Variants in NEDD4 observed in about 807,000 individuals in gnomAD.
NEDD4 encodes the protein NEDD4 E3 ubiquitin protein ligase.
In NEDD4, 99 loss-of-function variants were observed where a neutral mutation model predicts 144.9. The ratio of observed to expected loss-of-function variants is 0.68; its 90% CI spans 0.58 to 0.81. NEDD4 has a LOEUF of 0.81. Among genes scored for constraint, NEDD4 ranks in the 30% least tolerant of loss-of-function variants. The probability of loss-of-function intolerance (pLI) is 0.00; values close to 1 mark genes in which losing one functional copy is unlikely to be tolerated. For missense variants in NEDD4, 985 were observed against 1,065.9 expected (o/e 0.92, Z 1.06); for synonymous variants, 318 against 350.6 (o/e 0.91, Z 1.04).
chr15:55,962,466 G>C (rs2037442173), intron 2 of NEDD4, among the ~76,000 whole-genome samples: 1 of 152,068 alleles, frequency 6.6e-6, no homozygotes, highest in African/African-American at 2.4e-5. Flanking sequence ...TTTTTGAGAT[G>C]GAGTTTCACT....
chr15:55,897,788 T>G (rs1277635153), intron 5 of NEDD4, among the ~76,000 whole-genome samples: 1 of 152,202 alleles, frequency 6.6e-6, no homozygotes. Flanking sequence ...GAATTGTGTT[T>G]GCTTCAAGTT....
At chr15:55,877,979 A>G (rs2035051375) in intron 5 of NEDD4, among the ~76,000 whole-genome samples, 1 of 152,168 alleles carries the variant, frequency 6.6e-6, no homozygotes, top group African/African-American at 2.4e-5. Flanking sequence ...ATTCAGGTTC[A>G]GCATATACTC....
chr15:55,862,940 C>T lies in NEDD4; in HGVS notation c.647G>A (p.Arg216Lys). ...RTYYVNHESR[R>K]TQWKRPTPQD... ...AGGGGTTGGTCTTTTCCACTGTGTTCTTCTAGATTCATGGTTTACATAATA... is the reference window on the plus strand; with the variant it reads ...AGGGGTTGGTCTTTTCCACTGTGTTTTTCTAGATTCATGGTTTACATAATA... Residue 216 changes from arginine to lysine, a missense_variant, in exon 9 of 29, where the codon AGA (arginine) becomes AAA (lysine). Arg to Lys is a conservative substitution (Grantham distance 26). Transcript: ENST00000435532. The T allele has an allele frequency of 6.2e-7, 1 of 1,609,484 alleles. No individual in the cohort carries two copies. The highest frequency in any genetic ancestry group is 8.5e-7 in the Non-Finnish European group (1 of 1,177,024).
chr15:55,891,533 A>C (rs1355030262), intron 5 of NEDD4, among the ~76,000 whole-genome samples: 1 of 152,200 alleles, frequency 6.6e-6, no homozygotes, highest in South Asian at 2.1e-4. Context: ...GTTATTTCCT[A>C]TATTTGAACT....
In NEDD4 at chr15:55,880,273, C is replaced by T. The variant is rs111461665; in HGVS notation, c.292-6265G>A. 3.0e-4 allele frequency among the ~76,000 whole-genome samples: 45 copies of T among 151,544 alleles called. 1 individual carries two copies. Among genetic ancestry groups the T allele is most frequent in the Middle Eastern group, 3.4e-3 (1 of 294 alleles). On this transcript the variant is annotated intron_variant, in intron 5 of 28. Coordinates refer to ENST00000435532, the MANE Select transcript of NEDD4 (RefSeq NM_006154.4). ...CACCATTGCACGCTAGTCTGGGTGA[C>T]GGAGTGAGACCCCGTCTCCAAAAAA...
At chr15:55,941,730 C>G (rs1438819682) in intron 4 of NEDD4, among the ~76,000 whole-genome samples, 1 of 152,168 alleles carries the variant, frequency 6.6e-6, no homozygotes, top group East Asian at 1.9e-4. Flanking sequence ...CACCCAGCTA[C>G]TTTTTGTATA....
intron 2 of NEDD4, among the ~76,000 whole-genome samples, chr15:55,961,493 C>T (rs542847665): frequency 6.2e-5 from 8 of 128,814 alleles, no homozygotes; most frequent in South Asian, 2.5e-4. Flanking sequence ...TTATTTGAGA[C>T]GCAGTCTCAC....
chr15:55,907,059 C>T (rs1486270505), intron 5 of NEDD4, among the ~76,000 whole-genome samples: 2 of 151,694 alleles, frequency 1.3e-5, no homozygotes, highest in Non-Finnish European at 2.9e-5. Context: ...CACGGCACTG[C>T]ACTCCAGCCT....
intron 5 of NEDD4, among the ~76,000 whole-genome samples, chr15:55,923,390 G>C (rs2036604279): frequency 6.6e-6 from 1 of 152,002 alleles, no homozygotes; most frequent in African/African-American, 2.4e-5. Context: ...GCTCATGCCT[G>C]TAATCCCAGC....
intron 5 of NEDD4, among the ~76,000 whole-genome samples, chr15:55,911,719 G>A (rs978808135): frequency 1.3e-5 from 2 of 151,810 alleles, no homozygotes; most frequent in African/African-American, 2.4e-5. Context: ...TAGTAGAGAC[G>A]GGGTTTCACC....
chr15:55,878,906 T>C (rs748545652), intron 5 of NEDD4, among the ~76,000 whole-genome samples: 3 of 152,242 alleles, frequency 2.0e-5, no homozygotes, highest in Non-Finnish European at 4.4e-5. Flanking sequence ...CACTGCAACC[T>C]CCGCCTCCCT....
rs1481622265 is a variant in NEDD4, at chr15:55,839,992, AAAAAAAAATATATATATATATATATATAT to A, written c.2031+426_2031+454del. 1.1e-3 allele frequency among the ~76,000 whole-genome samples: 62 copies of A among 58,184 alleles called. 2 individuals carry two copies. The East Asian group carries it at 0.015, about 14-fold the overall frequency. 38.2% of individuals were successfully genotyped at this position (58,184 alleles called of 152,430 possible). On this transcript the variant is annotated intron_variant, in intron 21 of 28. Coordinates refer to ENST00000435532, the MANE Select transcript of NEDD4 (RefSeq NM_006154.4). ...CTGTCTCAAAAAAAAAAAAAAAAAA[AAAAAAAAATATATATATATATATATATAT>A]ATATATATATATATATATATAACAT...
chr15:55,945,214 C>G (rs1291158991), intron 4 of NEDD4, among the ~76,000 whole-genome samples: 1 of 152,122 alleles, frequency 6.6e-6, no homozygotes, highest in African/African-American at 2.4e-5. Context: ...ACAAACTTCT[C>G]CAAGCTAAAG....
intron 4 of NEDD4, among the ~76,000 whole-genome samples, 180 bp downstream of exon 4, chr15:55,951,196 T>G (rs1185093608): frequency 6.6e-6 from 1 of 152,194 alleles, no homozygotes. Flanking sequence ...GTCTTTTACC[T>G]CTCCATTATC....
Position 55,843,819 on chromosome 15 carries a change from A to G in NEDD4, c.1609-1656T>C, listed in dbSNP as rs2033622878. ...GGATACTAGGCAGCTGGTGCAGGTA[A>G]GCATTTATCAAAGGCCTACTCTGGG... is the stretch of plus-strand genomic sequence containing the variant. On this transcript the variant is annotated intron_variant, in intron 18 of 28. Coordinates refer to ENST00000435532, the MANE Select transcript of NEDD4 (RefSeq NM_006154.4). Among the ~76,000 whole-genome samples, 8 of 152,292 alleles carry G rather than the reference A, an allele frequency of 5.3e-5. No homozygotes were observed. In the South Asian group the frequency reaches 1.7e-3, roughly 32 times the overall value.
At chr15:55,902,962 T>C (rs2035958661) in intron 5 of NEDD4, among the ~76,000 whole-genome samples, 2 of 152,010 alleles carry the variant, frequency 1.3e-5, no homozygotes, top group African/African-American at 4.8e-5. Context: ...GATCGTGCTA[T>C]TGCATTCCAG....
At chr15:55,843,970 C>T (rs1286738850) in intron 18 of NEDD4, among the ~76,000 whole-genome samples, 5 of 152,100 alleles carry the variant, frequency 3.3e-5, no homozygotes, top group African/African-American at 1.2e-4. Context: ...GTAAATGATG[C>T]TAATTCTGAG....
At chr15:55,832,501 G>A (rs1595720254) in intron 27 of NEDD4, among the ~76,000 whole-genome samples, 2 of 152,178 alleles carry the variant, frequency 1.3e-5, no homozygotes, top group Middle Eastern at 3.4e-3. Context: ...TGCAACGTCC[G>A]CCTCCTGGGT....
At chr15:55,850,897 T>C in intron 13 of NEDD4, among the ~76,000 whole-genome samples, 155 bp from the exon 14 acceptor site, 1 of 152,236 alleles carries the variant, frequency 6.6e-6, no homozygotes, top group Non-Finnish European at 1.5e-5. Context: ...AGTTATGGCA[T>C]GTTAATATTT....
Sources: gnomAD v4.1 joint callset for allele counts (sites outside exome capture counted in the v4.1 genomes callset) on GRCh38, gnomAD v4.1.1 for gene constraint, MANE v1.5 for transcripts, NCBI Gene and HGNC (gene_info 2026-07-23, HGNC 2026-07-21) for gene names.